MED27: variants seen among roughly 807,000 people sequenced by gnomAD.
The protein encoded by MED27 is mediator of RNA polymerase II transcription subunit 27.
In MED27, 30 loss-of-function variants were observed where a neutral mutation model predicts 38.2. The observed-to-expected ratio is 0.79, with a 90% CI of 0.59 to 1.07. The LOEUF (loss-of-function observed/expected upper bound fraction) is 1.07, where lower values mean the gene tolerates loss of function less well. MED27 is among the 50% of genes least tolerant of loss of function. MED27 has a pLI of 0.00. For synonymous variants in MED27, 122 were observed against 153.5 expected (o/e 0.79, Z 1.52); for missense variants, 289 against 397.5 (o/e 0.73, Z 2.32).
At position 131,860,398 on chromosome 9, in the gene MED27, T is replaced by G. The variant is rs1589165061; in HGVS notation, c.*140A>C. ...GAGTCTGCTCTTCAAGAGTGGCCTC[T>G]GCACACATGGCGCTGCTTTATGAAA... On this transcript the variant is annotated 3_prime_UTR_variant, in exon 8 of 8. Transcript: ENST00000292035. This position sits in a 1 kb window ranked among gnomAD's most constrained non-coding sequence, Gnocchi z 5.8. The G allele has an allele frequency of 9.9e-7, 1 of 1,013,708 alleles. No individual in the cohort carries two copies. The highest frequency in any genetic ancestry group is 1.4e-6 in the Non-Finnish European group (1 of 723,810). 62.8% of individuals were successfully genotyped at this position (1,013,708 alleles called of 1,614,324 possible).
At chr9:131,959,550 C>T (rs1030421772) in intron 3 of MED27, among the ~76,000 whole-genome samples, 1 of 152,316 alleles carries the variant, frequency 6.6e-6, no homozygotes, top group East Asian at 1.9e-4. Flanking sequence ...AATCACCCAG[C>T]CCTCTGGCTT....
intron 3 of MED27, among the ~76,000 whole-genome samples, chr9:131,970,467 C>T (rs770252811): frequency 1.2e-4 from 18 of 152,248 alleles, no homozygotes; most frequent in Non-Finnish European, 5.9e-5. Context: ...CACAGAAACA[C>T]TACACCCAGT....
intron 3 of MED27, among the ~76,000 whole-genome samples, chr9:131,989,931 A>G (rs1055951585): frequency 6.6e-6 from 1 of 152,194 alleles, no homozygotes; most frequent in Non-Finnish European, 1.5e-5. Flanking sequence ...CTTGCTCAAA[A>G]TACCTTGCTA....
intron 4 of MED27, among the ~76,000 whole-genome samples, chr9:131,935,205 T>A (rs1171321804): frequency 2.0e-5 from 3 of 152,284 alleles, no homozygotes; most frequent in South Asian, 2.1e-4. Flanking sequence ...TTGTACATTT[T>A]AAAATAACTA....
At chr9:131,931,219 T>C (rs940301068) in intron 4 of MED27, among the ~76,000 whole-genome samples, 3 of 152,046 alleles carry the variant, frequency 2.0e-5, no homozygotes, top group Non-Finnish European at 4.4e-5. Context: ...CACTCCAGCC[T>C]GGGTGACAGA....
At chr9:131,980,675 CT>C (rs565043845) in intron 3 of MED27, among the ~76,000 whole-genome samples, 131 of 151,906 alleles carry the variant, frequency 8.6e-4, no homozygotes, top group Middle Eastern at 3.4e-3. Context: ...TTCTTGAAAA[CT>C]GTTTTAAAAC....
chr9:131,895,331 T>G (rs1309864907), intron 4 of MED27, among the ~76,000 whole-genome samples: 1 of 152,176 alleles, frequency 6.6e-6, no homozygotes. Flanking sequence ...CAGAATTTGC[T>G]GAAAGGAAGC....
At position 131,917,710 on chromosome 9, in the gene MED27, T is replaced by C. The variant is rs1455782165; in HGVS notation, c.573+21671A>G. On this transcript the variant is annotated intron_variant, in intron 4 of 7. Coordinates refer to ENST00000292035, the MANE Select transcript of MED27 (RefSeq NM_004269.4). This position sits in a 1 kb window ranked among gnomAD's most constrained non-coding sequence, Gnocchi z 4.6. ...TATCTTTCACATAGTATTTGATCAA[T>C]AAGCATTTGTTACAAGAATGGAGAT... Among the ~76,000 whole-genome samples, 1 of 152,132 alleles carries C rather than the reference T, an allele frequency of 6.6e-6. No homozygotes were observed. Among genetic ancestry groups the C allele is most frequent in the Non-Finnish European group, 1.5e-5 (1 of 68,026 alleles).
At chr9:131,948,302 T>C (rs963866546) in intron 3 of MED27, among the ~76,000 whole-genome samples, 1 of 151,844 alleles carries the variant, frequency 6.6e-6, no homozygotes, top group Non-Finnish European at 1.5e-5. Flanking sequence ...ATGGCCAATA[T>C]GGTGAGACCC....
chr9:132,009,635 C>A lies in MED27; in HGVS notation c.479+4702G>T, dbSNP rs567701043. Among the ~76,000 whole-genome samples, 5 of 152,264 alleles carry A rather than the reference C, an allele frequency of 3.3e-5. No individual in the cohort carries two copies. The South Asian group carries it at 1.0e-3, about 32-fold the overall frequency. ...CACCTTGCAAGTGGAGCTCCTAATC[C>A]CAGCCAAACCTCAGGTGACTGCAGC... is the stretch of plus-strand genomic sequence containing the variant. On this transcript the variant is annotated intron_variant, in intron 3 of 7. Coordinates refer to ENST00000292035, the MANE Select transcript of MED27 (RefSeq NM_004269.4).
chr9:131,915,244 T>A (rs1409057811), intron 4 of MED27, among the ~76,000 whole-genome samples: 2 of 151,786 alleles, frequency 1.3e-5, no homozygotes, highest in East Asian at 3.9e-4. Context: ...AAGGGGGAGG[T>A]GACCCTGAAT....
At chr9:131,884,303 A>G (rs1464139825) in intron 5 of MED27, among the ~76,000 whole-genome samples, 1 of 152,238 alleles carries the variant, frequency 6.6e-6, no homozygotes, top group Non-Finnish European at 1.5e-5. Context: ...AGAAAAGTCA[A>G]TGAAGGAATA....
chr9:132,022,697 A>C (rs1417706514), intron 2 of MED27, among the ~76,000 whole-genome samples: 1 of 152,210 alleles, frequency 6.6e-6, no homozygotes, highest in Non-Finnish European at 1.5e-5. Context: ...GGTAATTTAC[A>C]AAGGAAAGAG....
Position 131,860,626 on chromosome 9 carries a change from C to A in MED27, c.848G>T (p.Arg283Leu), listed in dbSNP as rs756095470. ...YIKLFQAPCQ[R>L]CGKFLQDGLP... ...GCCGTCCTGCAGAAACTTCCCGCAGCGCTGGCACGGGGCCTGGAACAGCTT... is the reference window on the plus strand; with the variant it reads ...GCCGTCCTGCAGAAACTTCCCGCAGAGCTGGCACGGGGCCTGGAACAGCTT... Residue 283 changes from arginine to leucine, a missense_variant, in exon 8 of 8, where the codon CGC becomes CTC. By Grantham distance (102) the Arg-to-Leu change is moderately radical (BLOSUM62 -2). Coordinates refer to ENST00000292035, the MANE Select transcript of MED27 (RefSeq NM_004269.4). The surrounding 1 kb of genome is among the most constrained non-coding windows in gnomAD (Gnocchi z 5.8). 6.2e-7 allele frequency: 1 copy of A among 1,612,164 alleles called. No individual in the cohort carries two copies.
At chr9:132,011,382 T>C (rs1832484396) in intron 3 of MED27, among the ~76,000 whole-genome samples, 3 of 152,218 alleles carry the variant, frequency 2.0e-5, no homozygotes, top group Admixed American at 6.5e-5. Flanking sequence ...ATCTACATTA[T>C]GTATATACTA....
At chr9:131,983,294 C>T (rs1465034847) in intron 3 of MED27, among the ~76,000 whole-genome samples, 1 of 152,204 alleles carries the variant, frequency 6.6e-6, no homozygotes, top group Non-Finnish European at 1.5e-5. Flanking sequence ...TTCAATAAAA[C>T]TTACTCTTCA....
At chr9:131,936,817 G>A (rs1830694826) in intron 4 of MED27, among the ~76,000 whole-genome samples, 1 of 152,172 alleles carries the variant, frequency 6.6e-6, no homozygotes, top group Non-Finnish European at 1.5e-5. Flanking sequence ...CTGCATTCAA[G>A]GAAGCCCAGC....
At chr9:131,876,520 T>G (rs976841722) in intron 6 of MED27, among the ~76,000 whole-genome samples, 3 of 152,176 alleles carry the variant, frequency 2.0e-5, no homozygotes, top group African/African-American at 7.2e-5. Flanking sequence ...TTAGTTTAGA[T>G]GCTTATGAAT....
At chr9:132,068,957 A>C (rs1833870065) in intron 2 of MED27, among the ~76,000 whole-genome samples, 1 of 152,188 alleles carries the variant, frequency 6.6e-6, no homozygotes, top group Admixed American at 6.5e-5. Context: ...ATGAAGAGAG[A>C]AGACAAGAAA....
Sources: allele counts gnomAD v4.1 joint callset (sites outside exome capture counted in the v4.1 genomes callset), GRCh38; gene constraint gnomAD v4.1.1; non-coding constraint Gnocchi (gnomAD v3.1); transcripts MANE v1.5; gene names NCBI Gene and HGNC (gene_info 2026-07-23, HGNC 2026-07-21).